PIK3C2G: variants seen among roughly 807,000 people sequenced by gnomAD.
The protein encoded by PIK3C2G is phosphatidylinositol-4-phosphate 3-kinase catalytic subunit type 2 gamma, also known as phosphatidylinositol 3-kinase C2 domain-containing subunit gamma.
In PIK3C2G, 168 loss-of-function variants were observed where a neutral mutation model predicts 181.1. The ratio of observed to expected loss-of-function variants is 0.93; its 90% CI spans 0.82 to 1.05. PIK3C2G has a LOEUF of 1.05. Among genes scored for constraint, PIK3C2G ranks in the 50% least tolerant of loss-of-function variants. The pLI is 0.00. For synonymous variants in PIK3C2G, 573 were observed against 592.2 expected (o/e 0.97, Z 0.47); for missense variants, 1,869 against 1,732.8 (o/e 1.08, Z -1.40).
At chr12:18,292,210 C>CAAAAAAAAAAAAAAAAAAAA (rs745371375) in intron 4 of PIK3C2G, among the ~76,000 whole-genome samples, 1 of 28,616 alleles carries the variant, frequency 3.5e-5, no homozygotes, top group Non-Finnish European at 6.4e-5. Context: ...AACTCCATCT[C>CAAAAAAAAAAAAAAAAAAAA]AAAAAAAAAA....
At chr12:18,276,576 C>CA (rs1238010525) in intron 1 of PIK3C2G, among the ~76,000 whole-genome samples, 3 of 152,072 alleles carry the variant, frequency 2.0e-5, no homozygotes, top group Non-Finnish European at 4.4e-5. Context: ...TTTTCCAAGG[C>CA]AAAATAAGCT....
At chr12:18,456,459 T>C (rs1385444981) in intron 18 of PIK3C2G, among the ~76,000 whole-genome samples, 1 of 152,138 alleles carries the variant, frequency 6.6e-6, no homozygotes, top group African/African-American at 2.4e-5. Context: ...GGGGGTTTTA[T>C]AGATGAGCTT....
intron 11 of PIK3C2G, among the ~76,000 whole-genome samples, chr12:18,353,548 A>G (rs948678847): frequency 1.3e-5 from 2 of 152,184 alleles, no homozygotes; most frequent in Admixed American, 6.5e-5. Context: ...CAACAGGTGC[A>G]CCTTGAGAAT....
At chr12:18,671,374 GACACATGTAGGAGAAAGAACA>G in the PIK3C2G span, among the ~76,000 whole-genome samples, 2 of 152,006 alleles carry the variant, frequency 1.3e-5, no homozygotes, top group Non-Finnish European at 2.9e-5. Flanking sequence ...GGAAGAAACA[GACACATGTAGGAGAAAGAACA>G]CGAGAGCCTG....
At chr12:18,442,941 G>GGGTTT in intron 18 of PIK3C2G, among the ~76,000 whole-genome samples, 1 of 151,094 alleles carries the variant, frequency 6.6e-6, no homozygotes, top group African/African-American at 2.4e-5. Context: ...GTGCAATCTC[G>GGGTTT]GCTCACTGCA....
chr12:18,291,006 C>A lies in PIK3C2G; in HGVS notation c.913C>A (p.Pro305Thr). The A allele has an allele frequency of 6.3e-7, 1 of 1,594,036 alleles. No individual in the cohort carries two copies. Among genetic ancestry groups the A allele is most frequent in the Non-Finnish European group, 8.6e-7 (1 of 1,164,362 alleles). ...CTCAACACAACCTCTTCATTTTATG[C>A]CATGTGGTAAGCAACCTTGCAAATA... ...DNSTQPLHFMPCANYLVKDLI... is the reference protein window; with the variant it reads ...DNSTQPLHFMTCANYLVKDLI... Residue 305 changes from proline (P) to threonine (T), a missense_variant, in exon 4 of 33, where the codon CCA (proline) becomes ACA (threonine). By Grantham distance (38) the Pro-to-Thr change is conservative. Coordinates refer to ENST00000538779, the MANE Select transcript of PIK3C2G (RefSeq NM_001288772.2).
the PIK3C2G span, among the ~76,000 whole-genome samples, chr12:18,719,123 A>G: frequency 6.6e-6 from 1 of 152,154 alleles, no homozygotes; most frequent in East Asian, 1.9e-4. Context: ...AGTCTTCTTC[A>G]TATGCTTTCC....
At chr12:18,688,520 C>G in the PIK3C2G span, among the ~76,000 whole-genome samples, 1 of 151,036 alleles carries the variant, frequency 6.6e-6, no homozygotes, top group East Asian at 1.9e-4. Flanking sequence ...GAATTCAGGT[C>G]GAGTTACTCT....
At chr12:18,308,871 T>G (rs10770353) in intron 5 of PIK3C2G, among the ~76,000 whole-genome samples, 4 of 151,322 alleles carry the variant, frequency 2.6e-5, no homozygotes, top group African/African-American at 7.3e-5. Context: ...AAATAATTTG[T>G]GAGGAATGTA....
rs1254676791 is a variant in PIK3C2G at position 18,362,905 on chromosome 12, G to A, written c.1748+19G>A. The A allele has an allele frequency of 1.2e-5, 17 of 1,458,910 alleles. No individual in the cohort carries two copies. The East Asian group carries it at 4.3e-4, about 37-fold the overall frequency. 90.4% of individuals were successfully genotyped at this position (1,458,910 alleles called of 1,614,324 possible). Reference sequence around the variant, plus strand: ...ATGAAACGTAAGTTTAATCTTTACTGTATCTGGATCATTTATGTAATAAAT... The same window carrying A: ...ATGAAACGTAAGTTTAATCTTTACTATATCTGGATCATTTATGTAATAAAT... On this transcript the variant is annotated intron_variant, in intron 12 of 32. Transcript: ENST00000538779.
chr12:18,243,678 T>TCCC, upstream of PIK3C2G, among the ~76,000 whole-genome samples: 1 of 152,012 alleles, frequency 6.6e-6, no homozygotes, highest in Non-Finnish European at 1.5e-5. Context: ...GTCTATTAGT[T>TCCC]TATGAAACTG....
chr12:18,457,144 T>A (rs186885850), intron 18 of PIK3C2G, among the ~76,000 whole-genome samples: 35 of 152,196 alleles, frequency 2.3e-4, no homozygotes, highest in African/African-American at 8.2e-4. Flanking sequence ...ACTGGAGCCA[T>A]GGATAATGGA....
At chr12:18,434,969 A>G (rs963215780) in intron 18 of PIK3C2G, among the ~76,000 whole-genome samples, 41 of 151,358 alleles carry the variant, frequency 2.7e-4, no homozygotes, top group African/African-American at 9.7e-4. Context: ...GATTTAACCT[A>G]TGGGTACATT....
intron 1 of PIK3C2G, among the ~76,000 whole-genome samples, chr12:18,278,620 C>A (rs1445635525): frequency 6.6e-6 from 1 of 152,152 alleles, no homozygotes; most frequent in Non-Finnish European, 1.5e-5. Context: ...TTAGTTAAAT[C>A]AGGGACTCTT....
chr12:18,580,217 A>G (rs1946429567), intron 29 of PIK3C2G, among the ~76,000 whole-genome samples: 1 of 152,156 alleles, frequency 6.6e-6, no homozygotes, highest in Non-Finnish European at 1.5e-5. Flanking sequence ...ATAAATGTGT[A>G]CCCATATTTG....
chr12:18,656,552 G>A, the PIK3C2G span, among the ~76,000 whole-genome samples: 2 of 151,514 alleles, frequency 1.3e-5, no homozygotes, highest in Admixed American at 6.6e-5. Context: ...GCGACAGAGC[G>A]AGACTCTGTC....
intron 30 of PIK3C2G, among the ~76,000 whole-genome samples, chr12:18,602,857 A>G (rs368125258): frequency 6.6e-6 from 1 of 152,176 alleles, no homozygotes; most frequent in East Asian, 1.9e-4. Context: ...CCCATGGGAC[A>G]AAAAAATCTG....
chr12:18,709,153 A>G, the PIK3C2G span, among the ~76,000 whole-genome samples: 23 of 152,182 alleles, frequency 1.5e-4, no homozygotes, highest in African/African-American at 5.3e-4. Flanking sequence ...TTCTAATATT[A>G]TATGTAAGTT....
chr12:18,638,106 G>A (rs1430842059), intron 31 of PIK3C2G, among the ~76,000 whole-genome samples: 1 of 152,192 alleles, frequency 6.6e-6, no homozygotes, highest in African/African-American at 2.4e-5. Context: ...ATTTTGGAGT[G>A]TAGCACACAT....
Sources: allele counts gnomAD v4.1 joint callset (sites outside exome capture counted in the v4.1 genomes callset), GRCh38; gene constraint gnomAD v4.1.1; transcripts MANE v1.5; gene names NCBI Gene and HGNC (gene_info 2026-07-23, HGNC 2026-07-21).